Variants in PPFIA2 observed in about 807,000 individuals in gnomAD.
PPFIA2 encodes liprin-alpha-2.
PPFIA2 carries 46 observed loss-of-function variants against 175.5 expected under a neutral mutation model. That is an observed-to-expected ratio of 0.26 (90% CI 0.21 to 0.34). PPFIA2 has a LOEUF of 0.34. PPFIA2 is among the 10% of genes least tolerant of loss of function. The pLI, the probability that PPFIA2 is intolerant of heterozygous loss-of-function variation, is 1.00. For synonymous variants in PPFIA2, 568 were observed against 511.4 expected, an observed-to-expected ratio of 1.11 and a Z score of -1.49; for missense variants, 1,179 against 1,506.1, an observed-to-expected ratio of 0.78 and a Z score of 3.60.
chr12:81,510,199 T>C (rs996263049), intron 4 of PPFIA2, among the ~76,000 whole-genome samples: 2 of 152,108 alleles, frequency 1.3e-5, no homozygotes, highest in Admixed American at 1.3e-4. Context: ...ATAACATATA[T>C]ACAAATAAAC....
At chr12:81,462,558 G>A (rs553329100) in intron 4 of PPFIA2, among the ~76,000 whole-genome samples, 1 of 105,668 alleles carries the variant, frequency 9.5e-6, no homozygotes, top group South Asian at 3.2e-4. Flanking sequence ...ATGTGTGTGT[G>A]TATATATATG....
chr12:81,654,832 A>G (rs1480893971), intron 4 of PPFIA2, among the ~76,000 whole-genome samples: 2 of 152,118 alleles, frequency 1.3e-5, no homozygotes, highest in Non-Finnish European at 2.9e-5. Flanking sequence ...CACCTAATAA[A>G]ACAACTTGGG....
chr12:81,334,176 A>C (rs2056676658), intron 21 of PPFIA2, among the ~76,000 whole-genome samples: 1 of 152,204 alleles, frequency 6.6e-6, no homozygotes, highest in Non-Finnish European at 1.5e-5. Context: ...GACTGCAATT[A>C]TTTATGCATG....
chr12:81,462,585 C>CACAT (rs1555402550), intron 4 of PPFIA2, among the ~76,000 whole-genome samples: 2 of 124,680 alleles, frequency 1.6e-5, no homozygotes, highest in African/African-American at 2.9e-5. Context: ...TATATATATA[C>CACAT]ATATATATAT....
chr12:81,393,376 T>C (rs1456085933), intron 8 of PPFIA2, among the ~76,000 whole-genome samples: 1 of 152,110 alleles, frequency 6.6e-6, no homozygotes, highest in African/African-American at 2.4e-5. Context: ...GTTGTTCATC[T>C]ATAAAATAAA....
At chr12:81,474,019 T>C (rs1055224830) in intron 4 of PPFIA2, among the ~76,000 whole-genome samples, 1 of 152,218 alleles carries the variant, frequency 6.6e-6, no homozygotes, top group Non-Finnish European at 1.5e-5. Context: ...TTTAACAATA[T>C]ATTTCAAGAG....
chr12:81,482,450 G>C (rs889238678), intron 4 of PPFIA2, among the ~76,000 whole-genome samples: 1 of 152,158 alleles, frequency 6.6e-6, no homozygotes, highest in Admixed American at 6.6e-5. Flanking sequence ...TATGTTTACT[G>C]CAGCACTGTT....
intron 19 of PPFIA2, among the ~76,000 whole-genome samples, chr12:81,344,447 A>T (rs139789108): frequency 6.6e-6 from 1 of 151,384 alleles, no homozygotes. Context: ...ACAGGATATT[A>T]TGGTTCTTAT....
At chr12:81,467,394 T>TA (rs145987020) in intron 4 of PPFIA2, among the ~76,000 whole-genome samples, 13,156 of 152,164 alleles carry the variant, frequency 0.086, 756 homozygotes, top group Middle Eastern at 0.16. Flanking sequence ...AAAGCTTTCT[T>TA]AAACATGTCT....
chr12:81,447,850 C>A (rs2051602076), intron 5 of PPFIA2, among the ~76,000 whole-genome samples: 1 of 152,102 alleles, frequency 6.6e-6, no homozygotes, highest in Non-Finnish European at 1.5e-5. Flanking sequence ...TTTTATATAT[C>A]TCATACAGAT....
At chr12:81,576,182 T>C (rs2073508828) in intron 4 of PPFIA2, among the ~76,000 whole-genome samples, 2 of 151,538 alleles carry the variant, frequency 1.3e-5, no homozygotes, top group Non-Finnish European at 3.0e-5. Flanking sequence ...TGTCCTTCAA[T>C]AAAGCAGAAG....
chr12:81,695,497 G>C (rs1285894621), intron 3 of PPFIA2, among the ~76,000 whole-genome samples: 2 of 152,040 alleles, frequency 1.3e-5, no homozygotes, highest in East Asian at 1.9e-4. Context: ...GCTCCCTGAG[G>C]CTTCTTCAGA....
chr12:81,530,896 G>C (rs1053011184), intron 4 of PPFIA2, among the ~76,000 whole-genome samples: 2 of 151,840 alleles, frequency 1.3e-5, no homozygotes, highest in Non-Finnish European at 2.9e-5. Context: ...AAATGATTTA[G>C]AATTGTGACT....
At chr12:81,301,083 C>T (rs1231645061) in intron 22 of PPFIA2, among the ~76,000 whole-genome samples, 1 of 151,922 alleles carries the variant, frequency 6.6e-6, no homozygotes, top group Non-Finnish European at 1.5e-5. Context: ...GGTTAATAGC[C>T]ATTGAAGGTG....
rs988955378 is a variant in PPFIA2 at position 81,400,798 on chromosome 12, C to T, written c.762+4989G>A. ...ATGATAAGCAAACAGGCCTGGGAGGCGAGAAGAGGCCAGCCAGCTTGGGAA... is the reference window on the plus strand; with the variant it reads ...ATGATAAGCAAACAGGCCTGGGAGGTGAGAAGAGGCCAGCCAGCTTGGGAA... On this transcript the variant is annotated intron_variant, in intron 8 of 32. Transcript: ENST00000549396. 7.2e-5 allele frequency among the ~76,000 whole-genome samples: 11 copies of T among 152,050 alleles called. No individual in the cohort carries two copies. In the South Asian group the frequency reaches 1.0e-3, roughly 14 times the overall value.
intron 4 of PPFIA2, among the ~76,000 whole-genome samples, chr12:81,493,945 A>G (rs1200255854): frequency 2.6e-5 from 4 of 151,764 alleles, no homozygotes; most frequent in Admixed American, 2.6e-4. Context: ...CAGAAAAAGC[A>G]AAGTTGAAAA....
chr12:81,724,202 G>A (rs916517964), intron 3 of PPFIA2, among the ~76,000 whole-genome samples: 16 of 150,792 alleles, frequency 1.1e-4, no homozygotes, highest in African/African-American at 3.2e-4. Flanking sequence ...ATTGTTAATC[G>A]TTCTACATAA....
At chr12:81,737,097 AC>A (rs1247652719) in intron 3 of PPFIA2, among the ~76,000 whole-genome samples, 1 of 151,762 alleles carries the variant, frequency 6.6e-6, no homozygotes. Flanking sequence ...ATTTTAATTC[AC>A]TTTTGAAGTG....
intron 4 of PPFIA2, among the ~76,000 whole-genome samples, chr12:81,586,454 A>G (rs1302592381): frequency 6.6e-6 from 1 of 151,884 alleles, no homozygotes; most frequent in Admixed American, 6.6e-5. Flanking sequence ...AAAGTCAGCT[A>G]TTCTCTTTTA....
Sources: allele counts gnomAD v4.1 joint callset (sites outside exome capture counted in the v4.1 genomes callset), GRCh38; gene constraint gnomAD v4.1.1; transcripts MANE v1.5; gene names NCBI Gene and HGNC (gene_info 2026-07-23, HGNC 2026-07-21).